DSG3: variants seen among roughly 807,000 people sequenced by gnomAD.
The protein encoded by DSG3 is desmoglein-3.
DSG3 carries 63 observed loss-of-function variants against 85.9 expected under a neutral mutation model. The observed-to-expected ratio is 0.73, with a 90% CI of 0.60 to 0.90. DSG3 has a LOEUF of 0.90. Ranked by LOEUF, DSG3 falls within the 40% of genes least tolerant of loss-of-function variation. The pLI, the probability that DSG3 is intolerant of heterozygous loss-of-function variation, is 0.00. For missense variants in DSG3, 1,220 were observed against 1,219.9 expected (o/e 1.00, Z 0.00); for synonymous variants, 447 against 441.9 (o/e 1.01, Z -0.14).
chr18:31,474,498 A>T, intron 15 of DSG3, 94 bp downstream of exon 15: 1 of 1,412,404 alleles, frequency 7.1e-7, no homozygotes, highest in East Asian at 2.3e-5. Flanking sequence ...GTTTTTATTT[A>T]CAGCTTGTTA....
At chr18:31,469,916 C>T (rs917660950) in intron 12 of DSG3, among the ~76,000 whole-genome samples, 2 of 152,146 alleles carry the variant, frequency 1.3e-5, no homozygotes, top group Middle Eastern at 3.4e-3. Context: ...GAAGTTATTG[C>T]TTCATCTAGC....
At chr18:31,458,292 T>G (rs2072761695) in intron 3 of DSG3, among the ~76,000 whole-genome samples, 153 bp from the exon 4 acceptor site, 1 of 152,192 alleles carries the variant, frequency 6.6e-6, no homozygotes, top group Non-Finnish European at 1.5e-5. Flanking sequence ...TTTTATTTCA[T>G]ATTCCTAGTA....
chr18:31,474,085 C>G, intron 14 of DSG3, 36 bp from the exon 15 acceptor site: 1 of 1,586,526 alleles, frequency 6.3e-7, no homozygotes, highest in Non-Finnish European at 8.6e-7. Context: ...CAAACAACAG[C>G]ATAAGATATT....
chr18:31,466,417 T>C lies in DSG3; in HGVS notation c.1412-113T>C. 8.0e-6 allele frequency: 7 copies of C among 876,666 alleles called. 1 individual carries two copies. In the South Asian group the frequency reaches 9.9e-5, roughly 12 times the overall value. 54.3% of individuals were successfully genotyped at this position (876,666 alleles called of 1,614,324 possible). A position where few individuals can be genotyped will look rare whatever the true frequency, so the allele number is the denominator to read the frequency against. On this transcript the variant is annotated intron_variant, in intron 10 of 15. Coordinates refer to ENST00000257189, the MANE Select transcript of DSG3 (RefSeq NM_001944.3). The stretch of plus-strand genomic sequence containing the variant: ...TTTACTTCTGAGGATAATATAGTAT[T>C]TCATGAGAAGACACACTGAGTTGGC...
intron 1 of DSG3, 21 bp from the exon 2 acceptor site, chr18:31,456,419 A>C: frequency 7.4e-7 from 1 of 1,346,168 alleles, no homozygotes; most frequent in Admixed American, 2.8e-5. Flanking sequence ...ATTTAATTCG[A>C]CTTTATTTAA....
chr18:31,464,597 G>A (rs1043332488), intron 9 of DSG3, among the ~76,000 whole-genome samples: 1 of 152,150 alleles, frequency 6.6e-6, no homozygotes, highest in Non-Finnish European at 1.5e-5. Context: ...AAGTTACAGT[G>A]GAAACCAAGG....
intron 8 of DSG3, among the ~76,000 whole-genome samples, chr18:31,463,197 T>A (rs1396601428): frequency 6.6e-6 from 1 of 152,170 alleles, no homozygotes; most frequent in East Asian, 1.9e-4. Flanking sequence ...CCTTCATAGC[T>A]CTCCTAAGTA....
In DSG3 at chr18:31,458,565, G is replaced by T. The variant is rs757296528; in HGVS notation, c.337G>T (p.Ala113Ser). The change falls in exon 4 of 16, where the codon GCT becomes TCT. Residue 113 changes from alanine to serine, a missense_variant. Coordinates refer to ENST00000257189, the MANE Select transcript of DSG3 (RefSeq NM_001944.3). ...DKNTGDINIT[A>S]IVDREETPSF... ...AAACACTGGAGATATTAACATAACA[G>T]CTATAGTCGACCGGGAGGAAACTCC... is the stretch of plus-strand genomic sequence containing the variant. The T allele has an allele frequency of 1.9e-6, 3 of 1,613,938 alleles. No homozygotes were observed. Among genetic ancestry groups the T allele is most frequent in the South Asian group, 1.1e-5 (1 of 91,036 alleles).
chr18:31,469,310 G>A lies in DSG3; in HGVS notation c.1858G>A (p.Ala620Thr), dbSNP rs370583301. ...RPHSGRLGPA[A>T]IGLLLLGLLL... is the part of the protein sequence containing the mutation. ...GCACTCAGGGAGGCTGGGGCCTGCC[G>A]CCATCGGCCTGCTGCTCCTTGGTCT... Residue 620 changes from alanine (A) to threonine (T), a missense_variant, in exon 12 of 16, where the codon GCC becomes ACC. Transcript: ENST00000257189. The A allele has an allele frequency of 2.0e-5, 32 of 1,613,404 alleles. No individual in the cohort carries two copies. The highest frequency in any genetic ancestry group is 3.3e-5 in the South Asian group (3 of 91,054).
chr18:31,462,203 G>A (rs535590481), intron 8 of DSG3, among the ~76,000 whole-genome samples: 2 of 152,208 alleles, frequency 1.3e-5, no homozygotes, highest in Non-Finnish European at 2.9e-5. Context: ...CTCCTGAGTA[G>A]CAGGGTCCGC....
rs755838960 is a variant in DSG3 at position 31,464,085 on chromosome 18, G to A, written c.1000-26G>A. The A allele has an allele frequency of 1.3e-5, 20 of 1,598,550 alleles. No homozygotes were observed. In the African/African-American group the frequency reaches 2.7e-4, roughly 22 times the overall value. ...TGCGGGAGTGTATTTTTGTGAAACT[G>A]CCTTCTAATTTTATTTTTTCTCCAG... On this transcript the variant is annotated intron_variant, in intron 8 of 15. Coordinates refer to ENST00000257189, the MANE Select transcript of DSG3 (RefSeq NM_001944.3).
Position 31,465,371 on chromosome 18 carries a change from C to A in DSG3, c.1325C>A (p.Ala442Asp). The change falls in exon 10 of 16, where the codon GCT becomes GAT. Residue 442 changes from alanine (A) to aspartate (D), a missense_variant. By Grantham distance (126) the Ala-to-Asp change is moderately radical. Coordinates refer to ENST00000257189, the MANE Select transcript of DSG3 (RefSeq NM_001944.3). ...TACCTAATGATTGATTCAAAAACTGCTGAAATCAAATTTGTCAAAAATATG... is the reference window on the plus strand; with the variant it reads ...TACCTAATGATTGATTCAAAAACTGATGAAATCAAATTTGTCAAAAATATG... ...GGYLMIDSKT[A>D]EIKFVKNMNR... is the part of the protein sequence containing the mutation. The A allele has an allele frequency of 6.5e-7, 1 of 1,541,888 alleles. No homozygotes were observed. Among genetic ancestry groups the A allele is most frequent in the Non-Finnish European group, 8.7e-7 (1 of 1,144,078 alleles).
intron 13 of DSG3, 39 bp downstream of exon 13, chr18:31,472,462 T>A: frequency 3.8e-6 from 6 of 1,586,352 alleles, no homozygotes; most frequent in Non-Finnish European, 5.1e-6. Flanking sequence ...TTCAATTACA[T>A]AGAGAAAATG....
At chr18:31,460,314 G>A (rs2072776068) in intron 6 of DSG3, among the ~76,000 whole-genome samples, 1 of 152,192 alleles carries the variant, frequency 6.6e-6, no homozygotes, top group African/African-American at 2.4e-5. Context: ...AATTCCTCAT[G>A]TGATGGAGGA....
At position 31,469,300 on chromosome 18, in the gene DSG3, G is replaced by T. The variant is rs1568090635; in HGVS notation, c.1848G>T (p.Leu616=). The T allele has an allele frequency of 6.2e-7, 1 of 1,613,820 alleles. No homozygotes were observed. The highest frequency in any genetic ancestry group is 8.5e-7 in the Non-Finnish European group (1 of 1,180,044). The change falls in exon 12 of 16, where the codon CTG becomes CTT. Residue 616 remains leucine (L), a synonymous_variant. Coordinates refer to ENST00000257189, the MANE Select transcript of DSG3 (RefSeq NM_001944.3). ...TRYGRPHSGR[L]GPAAIGLLLL... is the part of the protein sequence containing the mutation. ...ATGGCAGGCCGCACTCAGGGAGGCT[G>T]GGGCCTGCCGCCATCGGCCTGCTGC...
chr18:31,449,667 C>T (rs1019378622), intron 1 of DSG3, among the ~76,000 whole-genome samples: 6 of 152,026 alleles, frequency 3.9e-5, no homozygotes, highest in African/African-American at 1.5e-4. Context: ...ACTAAAAAAC[C>T]CCCGCACAAT....
chr18:31,453,346 A>AG (rs1227647497), intron 1 of DSG3, among the ~76,000 whole-genome samples: 1 of 152,282 alleles, frequency 6.6e-6, no homozygotes, highest in East Asian at 1.9e-4. Context: ...CCTGCATCTA[A>AG]TCCATAGTCT....
At position 31,478,298 on chromosome 18, in the gene DSG3, T is replaced by C. The variant is rs1278474409; in HGVS notation, c.*2038T>C. On this transcript the variant is annotated 3_prime_UTR_variant, in exon 16 of 16. Coordinates refer to ENST00000257189, the MANE Select transcript of DSG3 (RefSeq NM_001944.3). ...TTGTGCCTCTGCTTATGCATGAGGG[T>C]TAAATTAACAACCATAACCTTCATT... 1 of 152,158 alleles carries C rather than the reference T, an allele frequency of 6.6e-6. No homozygotes were observed. The highest frequency in any genetic ancestry group is 2.4e-5 in the African/African-American group (1 of 41,432). The allele number at this position is 152,158 out of a possible 1,614,324, so 9.4% of individuals were successfully genotyped here. A position where few individuals can be genotyped will look rare whatever the true frequency, so the allele number is the denominator to read the frequency against.
Position 31,459,955 on chromosome 18 carries a change from C to T in DSG3, c.628C>T (p.Leu210Phe). Residue 210 changes from leucine to phenylalanine, a missense_variant, in exon 6 of 16, where the codon CTC becomes TTC. Transcript: ENST00000257189. Reference sequence around the variant, plus strand: ...GGAACCAGCAGGCACACCCATGTTCCTCCTAAGCAGAAACACTGGGGAAGT... The same window carrying T: ...GGAACCAGCAGGCACACCCATGTTCTTCCTAAGCAGAAACACTGGGGAAGT... ...SQEPAGTPMF[L>F]LSRNTGEVRT... is the part of the protein sequence containing the mutation. The T allele has an allele frequency of 6.2e-7, 1 of 1,614,048 alleles. No individual in the cohort carries two copies.
Sources: gnomAD v4.1 joint callset for allele counts (sites outside exome capture counted in the v4.1 genomes callset) on GRCh38, gnomAD v4.1.1 for gene constraint, MANE v1.5 for transcripts, NCBI Gene and HGNC (gene_info 2026-07-23, HGNC 2026-07-21) for gene names.